AFMID: variants seen among roughly 807,000 people sequenced by gnomAD.
AFMID encodes the protein kynurenine formamidase.
AFMID carries 39 observed loss-of-function variants against 47.5 expected under a neutral mutation model. The observed-to-expected ratio is 0.82, with a 90% CI of 0.64 to 1.07. AFMID has a LOEUF of 1.07. AFMID is among the 50% of genes least tolerant of loss of function. AFMID has a pLI of 0.00. For synonymous variants in AFMID, 130 were observed against 153.2 expected, an observed-to-expected ratio of 0.85 and a Z score of 1.12; for missense variants, 375 against 387.5, an observed-to-expected ratio of 0.97 and a Z score of 0.27.
intron 4 of AFMID, 107 bp downstream of exon 4, chr17:78,202,858 T>A: frequency 7.5e-7 from 1 of 1,335,390 alleles, no homozygotes; most frequent in Non-Finnish European, 1.0e-6. Flanking sequence ...TGGGCACTCC[T>A]TGCAGGGCTG....
chr17:78,187,867 G>C (rs549220058), intron 1 of AFMID, among the ~76,000 whole-genome samples: 10 of 148,540 alleles, frequency 6.7e-5, no homozygotes, highest in Non-Finnish European at 1.5e-4. Context: ...CAGGAGAATC[G>C]CTTGAACCCA....
At position 78,190,920 on chromosome 17, in the gene AFMID, ACT is replaced by A. The variant is rs768121712; in HGVS notation, c.64-47_64-46del. On this transcript the variant is annotated intron_variant, in intron 1 of 10. Transcript: ENST00000409257. ...GGGCATGGGCGAGGGGGAGGGGCAC[ACT>A]CTGTTGAGAAGGAAAGTCTTACGGA... 3.8e-6 allele frequency: 6 copies of A among 1,562,364 alleles called. No homozygotes were observed. The African/African-American group carries it at 4.1e-5, about 11-fold the overall frequency.
Position 78,205,127 on chromosome 17 carries a change from C to T in AFMID, c.502C>T (p.His168Tyr). ...CCTGTGTGGACACTCAGCCGGGGCC[C>T]ACCTGGCTGCCATGATGCTCCTGGC... ...IYLCGHSAGA[H>Y]LAAMMLLADW... Residue 168 changes from histidine to tyrosine, a missense_variant, in exon 7 of 11, where the codon CAC becomes TAC. His to Tyr is a moderately conservative substitution (Grantham distance 83). Transcript: ENST00000409257. 1 of 1,612,814 alleles carries T rather than the reference C, an allele frequency of 6.2e-7. No individual in the cohort carries two copies. Among genetic ancestry groups the T allele is most frequent in the Non-Finnish European group, 8.5e-7 (1 of 1,179,520 alleles).
At position 78,187,402 on chromosome 17, in the gene AFMID, G is replaced by C. The variant is rs779878281; in HGVS notation, c.32G>C (p.Ser11Thr). Residue 11 changes from serine (S) to threonine (T), a missense_variant, in exon 1 of 11, where the codon AGC becomes ACC. Transcript: ENST00000409257. The stretch of plus-strand genomic sequence containing the variant: ...GATGTGTCTGGTGTGGGTTTCCCAA[G>C]CAAGGTTCCTTGGAAGAAGATGTCT... Reference protein sequence around the residue: MMDVSGVGFPSKVPWKKMSAE... With the variant: MMDVSGVGFPTKVPWKKMSAE... The C allele has an allele frequency of 8.1e-6, 13 of 1,613,880 alleles. No homozygotes were observed. The highest frequency in any genetic ancestry group is 1.1e-5 in the Non-Finnish European group (13 of 1,180,000).
At chr17:78,204,950 G>A (rs554638022) in intron 6 of AFMID, 50 bp downstream of exon 6, 4 of 1,608,912 alleles carry the variant, frequency 2.5e-6, no homozygotes, top group South Asian at 1.1e-5. Flanking sequence ...GTGGGTGGGA[G>A]GACAGTGCAA....
intron 9 of AFMID, 39 bp downstream of exon 9, chr17:78,205,777 C>A (rs753600182): frequency 5.0e-6 from 8 of 1,603,942 alleles, no homozygotes. Flanking sequence ...GGTCGAGGGT[C>A]ATGTGGGCTC....
At chr17:78,188,749 A>G (rs1010555959) in intron 1 of AFMID, among the ~76,000 whole-genome samples, 1 of 152,118 alleles carries the variant, frequency 6.6e-6, no homozygotes, top group Non-Finnish European at 1.5e-5. Context: ...TGCGCCCGCA[A>G]CCATGCCCGG....
At chr17:78,189,621 C>T (rs946608590) in intron 1 of AFMID, among the ~76,000 whole-genome samples, 15 of 151,436 alleles carry the variant, frequency 9.9e-5, no homozygotes, top group Admixed American at 9.3e-4. Flanking sequence ...TGGGCTCAAG[C>T]GATTCTCCTG....
chr17:78,200,596 C>T (rs976194257), intron 2 of AFMID, among the ~76,000 whole-genome samples: 3 of 152,034 alleles, frequency 2.0e-5, no homozygotes, highest in African/African-American at 7.3e-5. Flanking sequence ...CACGTGAAGA[C>T]GGAGGCAGAG....
At chr17:78,205,349 C>T (rs1394755677) in intron 7 of AFMID, 91 bp from the exon 8 acceptor site, 1 of 1,506,806 alleles carries the variant, frequency 6.6e-7, no homozygotes, top group East Asian at 2.3e-5. Context: ...GTGCCCCTTC[C>T]CCTGGTCCTG....
chr17:78,205,107 G>A lies in AFMID; in HGVS notation c.482G>A (p.Cys161Tyr). The change falls in exon 7 of 11, where the codon TGT (cysteine) becomes TAT (tyrosine). Residue 161 changes from cysteine (C) to tyrosine (Y), a missense_variant. By Grantham distance (194) the Cys-to-Tyr change is radical. Coordinates refer to ENST00000409257, the MANE Select transcript of AFMID (RefSeq NM_001010982.5). ...RYPSNKGIYLCGHSAGAHLAA... is the reference protein window; with the variant it reads ...RYPSNKGIYLYGHSAGAHLAA... Reference sequence around the variant, plus strand: ...ACCCCTCCCAGGGGAATTTACCTGTGTGGACACTCAGCCGGGGCCCACCTG... The same window carrying A: ...ACCCCTCCCAGGGGAATTTACCTGTATGGACACTCAGCCGGGGCCCACCTG... The A allele has an allele frequency of 1.2e-6, 2 of 1,611,688 alleles. No individual in the cohort carries two copies. Among genetic ancestry groups the A allele is most frequent in the Non-Finnish European group, 1.7e-6 (2 of 1,179,052 alleles).
chr17:78,194,697 A>AC (rs1204987379), intron 2 of AFMID, among the ~76,000 whole-genome samples: 1 of 151,800 alleles, frequency 6.6e-6, no homozygotes, highest in African/African-American at 2.4e-5. Flanking sequence ...CAGTAAAAAT[A>AC]CTTTTTTTTT....
Position 78,205,624 on chromosome 17 carries a change from C to A in AFMID, c.666C>A (p.Ser222Arg), listed in dbSNP as rs762766486. The A allele has an allele frequency of 2.0e-5, 33 of 1,613,702 alleles. No individual in the cohort carries two copies. The highest frequency in any genetic ancestry group is 2.8e-5 in the Non-Finnish European group (33 of 1,179,832). Reference protein sequence around the residue: ...QLTLEDAQRNSPQLKVAQAQP... With the variant: ...QLTLEDAQRNRPQLKVAQAQP... ...CCAGGGAGGACGCTCAGAGGAATAG[C>A]CCCCAGCTGAAGGTGGCCCAGGCAC... Residue 222 changes from serine (S) to arginine (R), a missense_variant, in exon 9 of 11, where the codon AGC (serine) becomes AGA (arginine). By Grantham distance (110) the Ser-to-Arg change is moderately radical. Transcript: ENST00000409257.
In AFMID at chr17:78,199,808, A is replaced by T. The variant is rs2076203728; in HGVS notation, c.155-2691A>T. On this transcript the variant is annotated intron_variant, in intron 2 of 10. Coordinates refer to ENST00000409257, the MANE Select transcript of AFMID (RefSeq NM_001010982.5). Reference sequence around the variant, plus strand: ...CAGGTTCTACAGGGAACTGGATTCCACCTCTTTTGGGGAGATCAACCCAGC... The same window carrying T: ...CAGGTTCTACAGGGAACTGGATTCCTCCTCTTTTGGGGAGATCAACCCAGC... 2.6e-5 allele frequency among the ~76,000 whole-genome samples: 4 copies of T among 152,190 alleles called. No homozygotes were observed. The South Asian group carries it at 8.3e-4, about 32-fold the overall frequency.
Position 78,205,757 on chromosome 17 carries a change from T to G in AFMID, c.780+19T>G, listed in dbSNP as rs1379337215. 1.2e-6 allele frequency: 2 copies of G among 1,607,504 alleles called. No homozygotes were observed. The highest frequency in any genetic ancestry group is 1.7e-5 in the Admixed American group (1 of 59,992). ...TTACCAGGTACTCCCAGTGCAGGTT[T>G]GTGGCCAGAGGTCGAGGGTCATGTG... On this transcript the variant is annotated intron_variant, in intron 9 of 10. Transcript: ENST00000409257.
At position 78,205,955 on chromosome 17, in the gene AFMID, C is replaced by A; in HGVS notation, c.790C>A (p.Gln264Lys). The change falls in exon 10 of 11, where the codon CAA becomes AAA. Residue 264 changes from glutamine (Q) to lysine (K), a missense_variant. Coordinates refer to ENST00000409257, the MANE Select transcript of AFMID (RefSeq NM_001010982.5). The part of the protein sequence containing the change: ...QSWEFYQTLC[Q>K]GEWKASFEEL... ...TGTCTCCCCTGCCCAGACCCTGTGT[C>A]AAGGAGAGTGGAAAGCCTCATTTGA... is the stretch of plus-strand genomic sequence containing the variant. 6.2e-7 allele frequency: 1 copy of A among 1,614,050 alleles called. No homozygotes were observed. The highest frequency in any genetic ancestry group is 1.1e-5 in the South Asian group (1 of 91,054).
At chr17:78,191,138 G>A in intron 2 of AFMID, 78 bp downstream of exon 2, 1 of 1,324,082 alleles carries the variant, frequency 7.6e-7, no homozygotes, top group Non-Finnish European at 1.1e-6. Flanking sequence ...GGGGGTTGGG[G>A]GGGCTGTGCT....
At chr17:78,205,346 T>A in intron 7 of AFMID, 94 bp from the exon 8 acceptor site, 1 of 1,490,094 alleles carries the variant, frequency 6.7e-7, no homozygotes, top group Non-Finnish European at 9.3e-7. Flanking sequence ...TCTGTGCCCC[T>A]TCCCCTGGTC....
chr17:78,204,865 C>T lies in AFMID; in HGVS notation c.432C>T (p.Ser144=), dbSNP rs147041818. Reference sequence around the variant, plus strand: ...ACATGGTAGACCAGGTGACCCGCAGCGTTGCGTTTGTCCAGAAGCGGTATC... The same window carrying T: ...ACATGGTAGACCAGGTGACCCGCAGTGTTGCGTTTGTCCAGAAGCGGTATC... ...LDHMVDQVTR[S]VAFVQKRYPS... is the part of the protein sequence containing the mutation. Residue 144 remains serine, a synonymous_variant, in exon 6 of 11, where the codon AGC becomes AGT. Transcript: ENST00000409257. 48 of 1,614,094 alleles carry T rather than the reference C, an allele frequency of 3.0e-5. No homozygotes were observed. Among genetic ancestry groups the T allele is most frequent in the East Asian group, 8.9e-5 (4 of 44,894 alleles).
Sources: allele counts gnomAD v4.1 joint callset (sites outside exome capture counted in the v4.1 genomes callset), GRCh38; gene constraint gnomAD v4.1.1; transcripts MANE v1.5; gene names NCBI Gene and HGNC (gene_info 2026-07-23, HGNC 2026-07-21).